TCF7L1: variants seen among roughly 807,000 people sequenced by gnomAD.
TCF7L1 encodes transcription factor 7 like 1.
TCF7L1 carries 18 observed loss-of-function variants against 63.7 expected under a neutral mutation model. That is an observed-to-expected ratio of 0.28 (90% CI 0.20 to 0.42). TCF7L1 has a LOEUF of 0.42. Ranked by LOEUF, TCF7L1 falls within the 10% of genes least tolerant of loss-of-function variation. The pLI is 1.00. For synonymous variants in TCF7L1, 355 were observed against 340.9 expected (o/e 1.04, Z -0.46); for missense variants, 654 against 779.3 (o/e 0.84, Z 1.91).
At chr2:85,276,746 A>G (rs919677277) in intron 3 of TCF7L1, among the ~76,000 whole-genome samples, 1 of 152,150 alleles carries the variant, frequency 6.6e-6, no homozygotes, top group Non-Finnish European at 1.5e-5. Context: ...TCAACACATC[A>G]TGATTGCCGG....
chr2:85,233,827 C>A (rs116175388), intron 3 of TCF7L1: 4 of 152,126 alleles, frequency 2.6e-5, no homozygotes, highest in Admixed American at 1.3e-4. Flanking sequence ...GGTGTGTAGC[C>A]TTTTGATTCT....
At chr2:85,277,842 C>T (rs760471356) in intron 3 of TCF7L1, among the ~76,000 whole-genome samples, 5 of 152,178 alleles carry the variant, frequency 3.3e-5, no homozygotes, top group Admixed American at 1.3e-4. Context: ...TCTGTGAGAA[C>T]GTGCGAACAG....
intron 11 of TCF7L1, among the ~76,000 whole-genome samples, chr2:85,308,463 T>TTTC (rs1682189563): frequency 3.9e-5 from 3 of 75,964 alleles, no homozygotes; most frequent in Non-Finnish European, 6.8e-5. Flanking sequence ...CTCCCTCTCT[T>TTTC]TCCCTCCCTC....
intron 3 of TCF7L1, among the ~76,000 whole-genome samples, chr2:85,277,225 A>G (rs775257483): frequency 4.6e-5 from 7 of 151,836 alleles, no homozygotes; most frequent in South Asian, 4.2e-4. Context: ...TAGGATTTGC[A>G]GTAGTCCAGG....
At chr2:85,293,368 C>T (rs930289623) in intron 4 of TCF7L1, among the ~76,000 whole-genome samples, 2 of 152,032 alleles carry the variant, frequency 1.3e-5, no homozygotes, top group Non-Finnish European at 2.9e-5. Context: ...GTGTGCAGGA[C>T]CTCCCCCCAC....
At chr2:85,153,694 T>C (rs1188545857) in intron 3 of TCF7L1, among the ~76,000 whole-genome samples, 1 of 152,168 alleles carries the variant, frequency 6.6e-6, no homozygotes, top group Non-Finnish European at 1.5e-5. Context: ...CACTAACTTA[T>C]GTTTAATTTT....
chr2:85,229,359 GA>G (rs1680024181), intron 3 of TCF7L1, among the ~76,000 whole-genome samples: 1 of 151,084 alleles, frequency 6.6e-6, no homozygotes, highest in Non-Finnish European at 1.5e-5. Flanking sequence ...AAAAGAAAAG[GA>G]AGGAAGGAAG....
chr2:85,177,829 A>G (rs1245514860), intron 3 of TCF7L1, among the ~76,000 whole-genome samples: 1 of 152,240 alleles, frequency 6.6e-6, no homozygotes, highest in Non-Finnish European at 1.5e-5. Context: ...TTATATAGTT[A>G]AAATCAAAGC....
chr2:85,133,970 G>A lies in TCF7L1; in HGVS notation c.249+37G>A. The A allele has an allele frequency of 6.3e-7, 1 of 1,584,676 alleles. No homozygotes were observed. Among genetic ancestry groups the A allele is most frequent in the Non-Finnish European group, 8.6e-7 (1 of 1,165,254 alleles). On this transcript the variant is annotated intron_variant, in intron 1 of 11. Coordinates refer to ENST00000282111, the MANE Select transcript of TCF7L1 (RefSeq NM_031283.3). This position sits in a 1 kb window ranked among gnomAD's most constrained non-coding sequence, Gnocchi z 4.4. Reference sequence around the variant, plus strand: ...CCGCGGCCACCCCCGGGGGATCCCGGCCCTGCGTCCGCTCACCCGCTCTTG... The same window carrying A: ...CCGCGGCCACCCCCGGGGGATCCCGACCCTGCGTCCGCTCACCCGCTCTTG...
intron 3 of TCF7L1, among the ~76,000 whole-genome samples, chr2:85,211,664 G>A (rs1297711896): frequency 1.3e-5 from 2 of 152,190 alleles, no homozygotes; most frequent in South Asian, 2.1e-4. Context: ...CCACAGCAGG[G>A]GAGACCCCAC....
chr2:85,256,240 G>C (rs541459743), intron 3 of TCF7L1, among the ~76,000 whole-genome samples: 4 of 152,156 alleles, frequency 2.6e-5, no homozygotes, highest in East Asian at 1.9e-4. Context: ...TCGATGGTGC[G>C]TCCGCGCGCC....
At chr2:85,256,766 T>A (rs1366704512) in intron 3 of TCF7L1, among the ~76,000 whole-genome samples, 1 of 152,136 alleles carries the variant, frequency 6.6e-6, no homozygotes, top group Non-Finnish European at 1.5e-5. Flanking sequence ...GTGGATCACC[T>A]GAGGTGTCAG....
At chr2:85,263,176 G>A (rs1680894051) in intron 3 of TCF7L1, among the ~76,000 whole-genome samples, 3 of 152,234 alleles carry the variant, frequency 2.0e-5, no homozygotes, top group Admixed American at 2.0e-4. Context: ...AACACTCAGA[G>A]AATGGAATGA....
intron 3 of TCF7L1, among the ~76,000 whole-genome samples, chr2:85,177,110 C>T (rs761847510): frequency 5.9e-5 from 9 of 151,916 alleles, no homozygotes; most frequent in Non-Finnish European, 8.8e-5. Context: ...GTGGCACTGT[C>T]GGGTTTTGGT....
chr2:85,190,977 C>T (rs1679029873), intron 3 of TCF7L1, among the ~76,000 whole-genome samples: 1 of 152,194 alleles, frequency 6.6e-6, no homozygotes, highest in Non-Finnish European at 1.5e-5. Context: ...CTGCTGCCAG[C>T]ATTAATGACT....
intron 3 of TCF7L1, among the ~76,000 whole-genome samples, chr2:85,218,652 A>G (rs1457035806): frequency 1.3e-5 from 2 of 151,270 alleles, no homozygotes; most frequent in East Asian, 1.9e-4. Flanking sequence ...GGGGGGGAAA[A>G]CTGGTGATAG....
At chr2:85,287,010 G>A (rs1681576727) in intron 4 of TCF7L1, among the ~76,000 whole-genome samples, 1 of 152,166 alleles carries the variant, frequency 6.6e-6, no homozygotes, top group Non-Finnish European at 1.5e-5. Flanking sequence ...AATCCTCTGA[G>A]AAATGAAAGA....
At chr2:85,253,981 C>G (rs1680648412) in intron 3 of TCF7L1, among the ~76,000 whole-genome samples, 1 of 152,210 alleles carries the variant, frequency 6.6e-6, no homozygotes, top group Admixed American at 6.5e-5. Context: ...AGTGGGAGCC[C>G]TTGGGTCTTT....
In TCF7L1 at chr2:85,306,093, C is replaced by G. The variant is rs1253827626; in HGVS notation, c.990-113C>G. ...GCCATGGGGCCACTTGAATTAGCATCCAGGCAGCCCGCGCCCCTCCCCAGA... is the reference window on the plus strand; with the variant it reads ...GCCATGGGGCCACTTGAATTAGCATGCAGGCAGCCCGCGCCCCTCCCCAGA... On this transcript the variant is annotated intron_variant, in intron 8 of 11. Transcript: ENST00000282111. The surrounding 1 kb of genome is among the most constrained non-coding windows in gnomAD (Gnocchi z 4.3). 2.3e-6 allele frequency: 3 copies of G among 1,300,646 alleles called. No individual in the cohort carries two copies. The highest frequency in any genetic ancestry group is 3.2e-6 in the Non-Finnish European group (3 of 933,122). 80.6% of individuals were successfully genotyped at this position (1,300,646 alleles called of 1,614,324 possible). A position where few individuals can be genotyped will look rare whatever the true frequency, so the allele number is the denominator to read the frequency against.
Sources: gnomAD v4.1 joint callset for allele counts (sites outside exome capture counted in the v4.1 genomes callset) on GRCh38, gnomAD v4.1.1 for gene constraint, Gnocchi (gnomAD v3.1) non-coding constraint, MANE v1.5 for transcripts, NCBI Gene and HGNC (gene_info 2026-07-23, HGNC 2026-07-21) for gene names.